Variants in WDR49 observed in about 807,000 individuals in gnomAD.
The protein encoded by WDR49 is cilia- and flagella-associated protein 337.
Under a neutral mutation model 119.5 loss-of-function variants are expected in WDR49, and 107 were observed. The observed-to-expected ratio is 0.90, with a 90% CI of 0.77 to 1.05. The LOEUF is 1.05. Among genes scored for constraint, WDR49 ranks in the 50% least tolerant of loss-of-function variants. The pLI, the probability that WDR49 is intolerant of heterozygous loss-of-function variation, is 0.00. For synonymous variants in WDR49, 425 were observed against 418.8 expected (o/e 1.01, Z -0.18); for missense variants, 1,240 against 1,220.5 (o/e 1.02, Z -0.24).
intron 5 of WDR49, among the ~76,000 whole-genome samples, chr3:167,609,624 A>C (rs1716245973): frequency 6.6e-6 from 1 of 152,118 alleles, no homozygotes; most frequent in African/African-American, 2.4e-5. Flanking sequence ...GGCCATAAAG[A>C]CTGCAACTCA....
intron 11 of WDR49, among the ~76,000 whole-genome samples, chr3:167,535,765 G>C (rs1264877311): frequency 1.3e-5 from 2 of 152,182 alleles, no homozygotes; most frequent in South Asian, 4.1e-4. Context: ...ATGTGGAAGA[G>C]ATATCTGCAC....
intron 15 of WDR49, among the ~76,000 whole-genome samples, chr3:167,526,035 AAAG>A (rs1269409277): frequency 2.0e-5 from 3 of 152,014 alleles, no homozygotes; most frequent in Admixed American, 6.6e-5. Context: ...AAATTAAAAA[AAAG>A]AAGTAGTGCA....
At chr3:167,479,710 A>G (rs1750625725) in intron 18 of WDR49, among the ~76,000 whole-genome samples, 1 of 152,232 alleles carries the variant, frequency 6.6e-6, no homozygotes, top group African/African-American at 2.4e-5. Flanking sequence ...ATACAATAAG[A>G]TATCATTCCA....
At chr3:167,635,789 A>G (rs1207863992) in intron 2 of WDR49, among the ~76,000 whole-genome samples, 1 of 151,588 alleles carries the variant, frequency 6.6e-6, no homozygotes. Flanking sequence ...ACTGGGAGAA[A>G]TAGGTCCATC....
intron 7 of WDR49, among the ~76,000 whole-genome samples, chr3:167,588,865 T>C (rs879595653): frequency 2.6e-5 from 4 of 152,138 alleles, no homozygotes; most frequent in Non-Finnish European, 5.9e-5. Flanking sequence ...AGTTTGTAAA[T>C]ATTTTCTCCC....
At position 167,560,213 on chromosome 3, in the gene WDR49, T is replaced by C. The variant is rs1560286003; in HGVS notation, c.1525A>G (p.Thr509Ala). 6.2e-7 allele frequency: 1 copy of C among 1,613,658 alleles called. No homozygotes were observed. The highest frequency in any genetic ancestry group is 1.7e-5 in the Admixed American group (1 of 59,886). The change falls in exon 9 of 19, where the codon ACA becomes GCA. Residue 509 changes from threonine to alanine, a missense_variant. Thr to Ala is a moderately conservative substitution (Grantham distance 58). Transcript: ENST00000682715. ...SILKQVISSD[T>A]GSTVSFWMID... ...ATCCAGAAGGAAACAGTAGACCCTG[T>C]ATCAGAGCTGATTACCTAAGAGAAA...
intron 7 of WDR49, among the ~76,000 whole-genome samples, chr3:167,594,367 G>T (rs1405773092): frequency 6.6e-6 from 1 of 152,162 alleles, no homozygotes. Context: ...CCGGAGCAAA[G>T]GTCAAACTTC....
intron 7 of WDR49, among the ~76,000 whole-genome samples, chr3:167,586,815 A>C (rs1164468897): frequency 6.6e-6 from 1 of 152,180 alleles, no homozygotes; most frequent in Non-Finnish European, 1.5e-5. Flanking sequence ...AGAAAGATAA[A>C]TTGTTTTTGG....
At chr3:167,505,221 T>C (rs1751718569) in intron 17 of WDR49, 86 bp downstream of exon 17, 3 of 1,282,198 alleles carry the variant, frequency 2.3e-6, no homozygotes, top group South Asian at 4.5e-5. Flanking sequence ...AATAGGAACA[T>C]TCCTGACACA....
At chr3:167,591,855 A>G (rs1358023738) in intron 7 of WDR49, among the ~76,000 whole-genome samples, 1 of 151,830 alleles carries the variant, frequency 6.6e-6, no homozygotes, top group Non-Finnish European at 1.5e-5. Flanking sequence ...TCACTCTGCT[A>G]TGTCGTTTGA....
At chr3:167,529,317 T>C in intron 13 of WDR49, 78 bp from the exon 14 acceptor site, 1 of 1,329,700 alleles carries the variant, frequency 7.5e-7, no homozygotes. Flanking sequence ...GCTTTCCCTG[T>C]GGAAAGCATG....
chr3:167,598,228 C>A (rs1438521804), intron 7 of WDR49, among the ~76,000 whole-genome samples: 2 of 151,706 alleles, frequency 1.3e-5, no homozygotes, highest in South Asian at 4.2e-4. Context: ...TTGCTCGAAC[C>A]TAGGAGGCAG....
At chr3:167,637,746 C>T (rs898087382) in intron 2 of WDR49, among the ~76,000 whole-genome samples, 1 of 151,472 alleles carries the variant, frequency 6.6e-6, no homozygotes, top group Non-Finnish European at 1.5e-5. Flanking sequence ...GTATTTTATT[C>T]TTTCTTTTGC....
At chr3:167,534,283 A>G (rs1234282658) in intron 11 of WDR49, among the ~76,000 whole-genome samples, 3 of 152,178 alleles carry the variant, frequency 2.0e-5, no homozygotes, top group Non-Finnish European at 4.4e-5. Context: ...AGAAATATCC[A>G]TCTTCTCCTA....
Position 167,604,469 on chromosome 3 carries a change from C to T in WDR49, c.959-1G>A, listed in dbSNP as rs547436566. The T allele has an allele frequency of 6.9e-6, 11 of 1,590,302 alleles. No homozygotes were observed. Among genetic ancestry groups the T allele is most frequent in the Non-Finnish European group, 8.6e-6 (10 of 1,169,418 alleles). On this transcript the variant is annotated splice_acceptor_variant, in intron 5 of 18. Coordinates refer to ENST00000682715, the MANE Select transcript of WDR49 (RefSeq NM_001366157.1). LOFTEE classifies it high-confidence loss of function. ...GCGTCTAAAGATGCATTGTAAGTAACTGATAAAAAATTAAAAAGAGAAAAA... is the reference window on the plus strand; with the variant it reads ...GCGTCTAAAGATGCATTGTAAGTAATTGATAAAAAATTAAAAAGAGAAAAA...
At chr3:167,645,292 C>T (rs868009883) in intron 2 of WDR49, among the ~76,000 whole-genome samples, 1 of 151,992 alleles carries the variant, frequency 6.6e-6, no homozygotes. Flanking sequence ...CTCACTGCAA[C>T]CTTCACCTCC....
chr3:167,494,622 TTTA>T (rs1751275125), intron 18 of WDR49, among the ~76,000 whole-genome samples: 1 of 152,188 alleles, frequency 6.6e-6, no homozygotes, highest in Admixed American at 6.5e-5. Flanking sequence ...TTTCTGGGGA[TTTA>T]TTATGTTTTG....
chr3:167,510,426 A>AT (rs1244686525), intron 16 of WDR49, among the ~76,000 whole-genome samples: 1 of 152,096 alleles, frequency 6.6e-6, no homozygotes, highest in Admixed American at 6.5e-5. Flanking sequence ...TTTTTTTACT[A>AT]TTTTATCCCT....
chr3:167,538,081 A>T (rs1711568969), intron 10 of WDR49, among the ~76,000 whole-genome samples: 1 of 151,814 alleles, frequency 6.6e-6, no homozygotes, highest in South Asian at 2.1e-4. Flanking sequence ...CCTTATCTTC[A>T]TTCCTCCCTT....
Sources: allele counts gnomAD v4.1 joint callset (sites outside exome capture counted in the v4.1 genomes callset), GRCh38; gene constraint gnomAD v4.1.1; transcripts MANE v1.5; gene names NCBI Gene and HGNC (gene_info 2026-07-23, HGNC 2026-07-21).